RBFOX3: variants seen among roughly 807,000 people sequenced by gnomAD.
The protein encoded by RBFOX3 is RNA binding fox-1 homolog 3, also known as RNA binding protein fox-1 homolog 3.
Under a neutral mutation model 48.7 loss-of-function variants are expected in RBFOX3, and 17 were observed. That is an observed-to-expected ratio of 0.35 (90% CI 0.24 to 0.52). The LOEUF is 0.52. Among genes scored for constraint, RBFOX3 ranks in the 20% least tolerant of loss-of-function variants. RBFOX3 has a pLI of 0.94. For missense variants in RBFOX3, 382 were observed against 497.5 expected, an observed-to-expected ratio of 0.77 and a Z score of 2.21; for synonymous variants, 212 against 209.5, an observed-to-expected ratio of 1.01 and a Z score of -0.10.
At chr17:79,128,531 C>T (rs1408982188) in intron 4 of RBFOX3, among the ~76,000 whole-genome samples, 1 of 152,208 alleles carries the variant, frequency 6.6e-6, no homozygotes, top group Admixed American at 6.5e-5. Context: ...CTTCCTCCGC[C>T]CAGAAACAGG....
chr17:79,368,877 G>A (rs1181036561), intron 2 of RBFOX3, among the ~76,000 whole-genome samples: 1 of 152,216 alleles, frequency 6.6e-6, no homozygotes, highest in Non-Finnish European at 1.5e-5. Flanking sequence ...TCCACACTGT[G>A]GCAAAATCTA....
At chr17:79,349,716 A>C (rs2083532891) in intron 2 of RBFOX3, among the ~76,000 whole-genome samples, 1 of 151,908 alleles carries the variant, frequency 6.6e-6, no homozygotes, top group African/African-American at 2.4e-5. Context: ...CCAGCCCTGG[A>C]ATACCGTCAC....
chr17:79,172,173 C>CAAAAAA (rs977301314), intron 4 of RBFOX3, among the ~76,000 whole-genome samples: 1,206 of 52,374 alleles, frequency 0.023, 30 homozygotes, highest in Non-Finnish European at 0.037. Context: ...GAGTCCGTCT[C>CAAAAAA]AAAAAAAAAA....
At chr17:79,547,025 A>G (rs924908211) in intron 1 of RBFOX3, among the ~76,000 whole-genome samples, 15 of 152,068 alleles carry the variant, frequency 9.9e-5, no homozygotes, top group Non-Finnish European at 1.8e-4. Context: ...AGGGACGAAA[A>G]GGGAAGGTGG....
intron 3 of RBFOX3, among the ~76,000 whole-genome samples, chr17:79,280,344 C>G (rs1329453190): frequency 1.3e-5 from 2 of 152,072 alleles, no homozygotes; most frequent in African/African-American, 4.8e-5. Flanking sequence ...ACCATCAATG[C>G]GACAAAAAGA....
At chr17:79,508,563 G>C (rs2083537968) in intron 1 of RBFOX3, among the ~76,000 whole-genome samples, 1 of 152,200 alleles carries the variant, frequency 6.6e-6, no homozygotes, top group South Asian at 2.1e-4. Flanking sequence ...GAAGCTGACT[G>C]GAGTTTTAAT....
At position 79,104,175 on chromosome 17, in the gene RBFOX3, G is replaced by A. The variant is rs1191701610; in HGVS notation, c.361-49C>T. 5.3e-5 allele frequency: 78 copies of A among 1,467,076 alleles called. No individual in the cohort carries two copies. The Middle Eastern group carries it at 6.8e-4, about 13-fold the overall frequency. 90.9% of individuals were successfully genotyped at this position (1,467,076 alleles called of 1,614,324 possible). On this transcript the variant is annotated intron_variant, in intron 6 of 14. Coordinates refer to ENST00000693108, the MANE Select transcript of RBFOX3 (RefSeq NM_001350451.2). Reference sequence around the variant, plus strand: ...GAGTGGGGCAGACAGGAAAGTGCGGGTTAAGACTGCTGGCCCAGCTGCCCG... The same window carrying A: ...GAGTGGGGCAGACAGGAAAGTGCGGATTAAGACTGCTGGCCCAGCTGCCCG...
At chr17:79,648,332 A>T in the RBFOX3 span, among the ~76,000 whole-genome samples, 2 of 152,164 alleles carry the variant, frequency 1.3e-5, no homozygotes, top group African/African-American at 4.8e-5. Flanking sequence ...CTGCACAGTC[A>T]GGACCTAACT....
intron 2 of RBFOX3, among the ~76,000 whole-genome samples, chr17:79,386,636 C>A (rs1280052441): frequency 1.3e-5 from 2 of 152,216 alleles, no homozygotes; most frequent in South Asian, 2.1e-4. Flanking sequence ...TGTGAGCTCC[C>A]GGCCAACAAC....
intron 1 of RBFOX3, among the ~76,000 whole-genome samples, chr17:79,610,149 G>A (rs1330845254): frequency 6.6e-6 from 1 of 151,882 alleles, no homozygotes; most frequent in Non-Finnish European, 1.5e-5. Flanking sequence ...CGCGCACACC[G>A]CGGTGCTGCG....
chr17:79,400,067 G>A (rs2062594115), intron 2 of RBFOX3, among the ~76,000 whole-genome samples: 1 of 152,138 alleles, frequency 6.6e-6, no homozygotes, highest in African/African-American at 2.4e-5. Context: ...CACTGCCCCT[G>A]GGATCAGGAT....
At chr17:79,483,457 T>C (rs1598889412) in intron 1 of RBFOX3, among the ~76,000 whole-genome samples, 4 of 128,916 alleles carry the variant, frequency 3.1e-5, no homozygotes, top group South Asian at 2.9e-4. Context: ...CCTCCCTCCC[T>C]CCCTGCCTGC....
rs906186617 is a variant in RBFOX3, at chr17:79,588,638, A to G, written c.-320+22188T>C. ...TGCAGGTATCCCCACCCTTAAGCAC[A>G]GCCCTCCCCCAAGAGACCTGTCCTG... On this transcript the variant is annotated intron_variant, in intron 1 of 14. Transcript: ENST00000693108. Among the ~76,000 whole-genome samples the G allele has an allele frequency of 1.2e-3, 176 of 152,274 alleles. 3 individuals carry two copies. The South Asian group carries it at 0.018, about 16-fold the overall frequency.
intron 8 of RBFOX3, among the ~76,000 whole-genome samples, chr17:79,102,137 G>C (rs1274919570): frequency 6.6e-6 from 1 of 152,210 alleles, no homozygotes; most frequent in Non-Finnish European, 1.5e-5. Flanking sequence ...TCTCTGATGG[G>C]GCCCGTGTGC....
intron 1 of RBFOX3, among the ~76,000 whole-genome samples, chr17:79,507,233 G>C (rs1427420465): frequency 3.9e-5 from 6 of 152,192 alleles, no homozygotes; most frequent in African/African-American, 1.2e-4. Context: ...CATCCCATCA[G>C]ACACAACCGC....
At chr17:79,469,987 C>T (rs1472899202) in intron 2 of RBFOX3, among the ~76,000 whole-genome samples, 3 of 152,142 alleles carry the variant, frequency 2.0e-5, no homozygotes, top group Non-Finnish European at 1.5e-5. Flanking sequence ...ACATCCCTGG[C>T]AGTGTGCTCC....
chr17:79,496,522 C>T (rs1254029379), intron 1 of RBFOX3, among the ~76,000 whole-genome samples: 1 of 152,212 alleles, frequency 6.6e-6, no homozygotes, highest in Admixed American at 6.5e-5. Context: ...CAAGAGAATT[C>T]CCCAGATAGT....
chr17:79,415,836 G>A (rs2065260647), intron 2 of RBFOX3, among the ~76,000 whole-genome samples: 1 of 152,166 alleles, frequency 6.6e-6, no homozygotes, highest in South Asian at 2.1e-4. Flanking sequence ...TGCTGGGGCT[G>A]TGGAGGAAGG....
At chr17:79,384,686 G>A (rs2060344872) in intron 2 of RBFOX3, among the ~76,000 whole-genome samples, 1 of 152,208 alleles carries the variant, frequency 6.6e-6, no homozygotes. Flanking sequence ...GACGGCCAGG[G>A]GTGAGGCCCA....
Sources: gnomAD v4.1 joint callset for allele counts (sites outside exome capture counted in the v4.1 genomes callset) on GRCh38, gnomAD v4.1.1 for gene constraint, MANE v1.5 for transcripts, NCBI Gene and HGNC (gene_info 2026-07-23, HGNC 2026-07-21) for gene names.